TRANK1: variants seen among roughly 807,000 people sequenced by gnomAD.
TRANK1 encodes tetratricopeptide repeat and ankyrin repeat containing 1.
Under a neutral mutation model 266.0 loss-of-function variants are expected in TRANK1, and 198 were observed. The observed-to-expected ratio is 0.74, with a 90% confidence interval of 0.66 to 0.84. The LOEUF (loss-of-function observed/expected upper bound fraction) is 0.84. TRANK1 is among the 40% of genes least tolerant of loss of function. The pLI, the probability that TRANK1 is intolerant of heterozygous loss-of-function variation, is 0.00. For synonymous variants in TRANK1, 1,396 were observed against 1,384.1 expected (o/e 1.01, Z -0.19); for missense variants, 3,326 against 3,634.6 (o/e 0.92, Z 2.18).
intron 8 of TRANK1, among the ~76,000 whole-genome samples, chr3:36,875,746 C>T (rs1307216691): frequency 2.0e-5 from 3 of 152,216 alleles, no homozygotes; most frequent in Non-Finnish European, 4.4e-5. Context: ...ACTACATAAT[C>T]CATCCCCTAC....
chr3:36,923,667 T>C (rs4678917), intron 1 of TRANK1, among the ~76,000 whole-genome samples: 17,721 of 151,994 alleles, frequency 0.12, 1,166 homozygotes, highest in Admixed American at 0.17. Context: ...CACAGGAAAC[T>C]CTCTCCCCTC....
intron 8 of TRANK1, among the ~76,000 whole-genome samples, chr3:36,884,570 G>T (rs879255788): frequency 3.3e-5 from 5 of 152,146 alleles, no homozygotes; most frequent in Non-Finnish European, 5.9e-5. Context: ...ATAAACATCC[G>T]AGTCCATACT....
chr3:36,848,782 C>T (rs532631487), intron 15 of TRANK1, among the ~76,000 whole-genome samples: 1 of 152,140 alleles, frequency 6.6e-6, no homozygotes, highest in Admixed American at 6.5e-5. Context: ...ATGCAGACAA[C>T]AAAATTGTTT....
chr3:36,885,538 T>G (rs1476521564), intron 8 of TRANK1, among the ~76,000 whole-genome samples: 1 of 152,172 alleles, frequency 6.6e-6, no homozygotes, highest in African/African-American at 2.4e-5. Context: ...ATATGAGGTC[T>G]GTATATTATT....
At chr3:36,939,602 G>C (rs1225852919) in intron 1 of TRANK1, among the ~76,000 whole-genome samples, 1 of 152,096 alleles carries the variant, frequency 6.6e-6, no homozygotes, top group African/African-American at 2.4e-5. Flanking sequence ...TCACATACAT[G>C]ACTGGACTCC....
At chr3:36,878,177 T>C (rs1298900344) in intron 8 of TRANK1, among the ~76,000 whole-genome samples, 2 of 152,196 alleles carry the variant, frequency 1.3e-5, no homozygotes, top group African/African-American at 4.8e-5. Context: ...AGTGCAACCC[T>C]GTTGTGAACT....
At chr3:36,860,841 G>T (rs1575217438) in intron 11 of TRANK1, 65 bp downstream of exon 11, 1 of 1,519,784 alleles carries the variant, frequency 6.6e-7, no homozygotes, top group Non-Finnish European at 8.8e-7. Flanking sequence ...GCAGGCAGTG[G>T]CCTGGACTCC....
intron 1 of TRANK1, among the ~76,000 whole-genome samples, chr3:36,916,814 T>G (rs553682703): frequency 5.3e-5 from 8 of 151,838 alleles, no homozygotes; most frequent in Non-Finnish European, 7.4e-5. Flanking sequence ...TTTTTTTTTT[T>G]GTTTTTTGTT....
In TRANK1 at chr3:36,860,946, C is replaced by A. The variant is rs368901992; in HGVS notation, c.1455G>T (p.Gln485His). ...TIIPHLSTWD[Q>H]RKKQLLGCLI... ...GGCAGCCCAGAAGCTGTTTCTTCCG[C>A]TGGTCCCAGGTGCTGAGATGGGGGA... is the stretch of plus-strand genomic sequence containing the variant. The change falls in exon 11 of 24, where the codon CAG becomes CAT. Residue 485 changes from glutamine (Q) to histidine (H), a missense_variant. Gln to His is a conservative substitution (Grantham distance 24). Coordinates refer to ENST00000645898, the MANE Select transcript of TRANK1 (RefSeq NM_001329998.2). 2.8e-5 allele frequency: 43 copies of A among 1,537,538 alleles called. No individual in the cohort carries two copies. The African/African-American group carries it at 5.6e-4, about 20-fold the overall frequency.
intron 1 of TRANK1, among the ~76,000 whole-genome samples, chr3:36,930,841 T>C (rs1267187901): frequency 6.6e-6 from 1 of 152,188 alleles, no homozygotes; most frequent in East Asian, 1.9e-4. Flanking sequence ...GAAATGTGTA[T>C]TTTGACATTG....
intron 9 of TRANK1, among the ~76,000 whole-genome samples, chr3:36,870,301 G>A (rs1365292511): frequency 6.6e-6 from 1 of 152,158 alleles, no homozygotes; most frequent in African/African-American, 2.4e-5. Context: ...CAGCTACGTG[G>A]GAGGCTGAGG....
At chr3:36,928,479 C>A (rs2080319058) in intron 1 of TRANK1, among the ~76,000 whole-genome samples, 1 of 152,176 alleles carries the variant, frequency 6.6e-6, no homozygotes, top group African/African-American at 2.4e-5. Flanking sequence ...TCATTAAATT[C>A]TTCATTACAC....
chr3:36,829,447 G>A, intron 23 of TRANK1, 117 bp downstream of exon 23: 1 of 888,418 alleles, frequency 1.1e-6, no homozygotes, highest in South Asian at 1.5e-5. Flanking sequence ...CCTAGACAGT[G>A]AGAGTCCACT....
intron 13 of TRANK1, among the ~76,000 whole-genome samples, chr3:36,852,925 C>A (rs1310637685): frequency 2.0e-5 from 3 of 152,020 alleles, no homozygotes; most frequent in Non-Finnish European, 4.4e-5. Context: ...AACAGTGCTG[C>A]ATGTGAGCTA....
rs1013548974 is a variant in TRANK1, at chr3:36,938,829, G to A, written c.23+5958C>T. Among the ~76,000 whole-genome samples the A allele has an allele frequency of 2.8e-4, 42 of 152,002 alleles. 1 individual carries two copies. The highest frequency in any genetic ancestry group is 2.3e-3 in the Admixed American group (35 of 15,252). On this transcript the variant is annotated intron_variant, in intron 1 of 23. Transcript: ENST00000645898. ...AAAAAATTTAGCGGAGGGTGGTGGC[G>A]CGTGCCTATAGTCCCAGCTACTCAG... is the stretch of plus-strand genomic sequence containing the variant.
intron 1 of TRANK1, among the ~76,000 whole-genome samples, chr3:36,921,213 T>C (rs1442465806): frequency 6.6e-6 from 1 of 152,104 alleles, no homozygotes; most frequent in East Asian, 1.9e-4. Context: ...AATAGCCAAT[T>C]GGAATTAGCT....
intron 7 of TRANK1, among the ~76,000 whole-genome samples, chr3:36,891,745 C>G (rs929588668): frequency 1.3e-5 from 2 of 152,254 alleles, no homozygotes; most frequent in African/African-American, 4.8e-5. Context: ...GTATCAGCAA[C>G]AGCTCATGTC....
chr3:36,855,061 C>T, intron 13 of TRANK1, 112 bp downstream of exon 13: 1 of 980,710 alleles, frequency 1.0e-6, no homozygotes, highest in African/African-American at 1.6e-5. Flanking sequence ...TTCCAAAATA[C>T]TACCCTTACT....
chr3:36,941,294 A>T (rs970389311), intron 1 of TRANK1, among the ~76,000 whole-genome samples: 1 of 152,194 alleles, frequency 6.6e-6, no homozygotes, highest in South Asian at 2.1e-4. Context: ...AACTTCAAAG[A>T]CAGATATAGC....
Sources: gnomAD v4.1 joint callset for allele counts (sites outside exome capture counted in the v4.1 genomes callset) on GRCh38, gnomAD v4.1.1 for gene constraint, MANE v1.5 for transcripts, NCBI Gene and HGNC (gene_info 2026-07-23, HGNC 2026-07-21) for gene names.